The following ROBO2 variants were observed in gnomAD, a reference collection of about 807,000 sequenced individuals.
The protein encoded by ROBO2 is roundabout homolog 2.
ROBO2 carries 53 observed loss-of-function variants against 160.8 expected under a neutral mutation model. That is an observed-to-expected ratio of 0.33 (90% CI 0.26 to 0.41). The LOEUF (loss-of-function observed/expected upper bound fraction) is 0.41, where lower values mean the gene tolerates loss of function less well. Among genes scored for constraint, ROBO2 ranks in the 10% least tolerant of loss-of-function variants. The probability of loss-of-function intolerance (pLI) is 1.00; values close to 1 mark genes in which losing one functional copy is unlikely to be tolerated. For missense variants in ROBO2, 1,577 were observed against 1,722.4 expected (o/e 0.92, Z 1.49); for synonymous variants, 664 against 611.7 (o/e 1.09, Z -1.26).
At chr3:76,150,327 AAC>A (rs71627498) in intron 2 of ROBO2, among the ~76,000 whole-genome samples, 3 of 152,054 alleles carry the variant, frequency 2.0e-5, no homozygotes, top group Admixed American at 6.5e-5. Context: ...ATCTGTCTAA[AAC>A]ACATATCTGT....
In ROBO2 at chr3:76,753,938, T is replaced by A. The variant is rs1398925358; in HGVS notation, c.110-344076T>A. Among the ~76,000 whole-genome samples, 3 of 152,004 alleles carry A rather than the reference T, an allele frequency of 2.0e-5. No individual in the cohort carries two copies. In the East Asian group the frequency reaches 5.8e-4, roughly 30 times the overall value. ...TTGTCCAGTTAGATATTATTTTTAA[T>A]TCCTTGCCTTTATGCTTTGTTTTTA... On this transcript the variant is annotated intron_variant, in intron 2 of 26. Transcript: ENST00000487694.
chr3:77,402,883 T>C (rs192823616), intron 2 of ROBO2, among the ~76,000 whole-genome samples: 41 of 152,232 alleles, frequency 2.7e-4, no homozygotes, highest in Admixed American at 1.5e-3. Context: ...TACTTTACTT[T>C]CTTTCATTCC....
chr3:77,098,004 T>G lies in ROBO2; in HGVS notation c.62-10T>G. The stretch of plus-strand genomic sequence containing the variant: ...GTTAAAGCTTGTCTTTATTCCGTCA[T>G]GTTTTGTAGGATCGCGTCTTCGCCA... On this transcript the variant is annotated splice_polypyrimidine_tract_variant and intron_variant, in intron 1 of 25. Coordinates refer to ENST00000461745, the Ensembl canonical transcript of ROBO2. The G allele has an allele frequency of 6.5e-7, 1 of 1,537,442 alleles. No homozygotes were observed. The highest frequency in any genetic ancestry group is 8.8e-7 in the Non-Finnish European group (1 of 1,140,494).
chr3:76,860,905 G>C (rs143885898), intron 2 of ROBO2, among the ~76,000 whole-genome samples: 2 of 152,010 alleles, frequency 1.3e-5, no homozygotes, highest in African/African-American at 4.8e-5. Flanking sequence ...GTGTGTGTGC[G>C]TGTGTGTGTA....
intron 1 of ROBO2, among the ~76,000 whole-genome samples, chr3:77,045,131 A>T (rs2149648347): frequency 1.3e-5 from 2 of 152,274 alleles, no homozygotes; most frequent in Admixed American, 1.3e-4. Context: ...TTGTAAAAGA[A>T]TTACTATATA....
intron 2 of ROBO2, among the ~76,000 whole-genome samples, chr3:77,289,489 T>C (rs139721316): frequency 0.34 from 48,826 of 143,318 alleles, 8,200 homozygotes; most frequent in South Asian, 0.38. Flanking sequence ...GCACTAAAGA[T>C]ATAAAGTAAA....
intron 2 of ROBO2, among the ~76,000 whole-genome samples, chr3:76,094,273 G>C (rs553776452): frequency 6.6e-6 from 1 of 152,198 alleles, no homozygotes; most frequent in Non-Finnish European, 1.5e-5. Flanking sequence ...CCAGTGACCA[G>C]ATGGATGCGG....
At chr3:75,959,371 G>A (rs1327993125) in intron 2 of ROBO2, among the ~76,000 whole-genome samples, 1 of 151,468 alleles carries the variant, frequency 6.6e-6, no homozygotes, top group Non-Finnish European at 1.5e-5. Flanking sequence ...GATATTATTA[G>A]GCATTACCTG....
intron 2 of ROBO2, among the ~76,000 whole-genome samples, chr3:77,340,888 A>T (rs572981153): frequency 6.6e-6 from 1 of 152,282 alleles, no homozygotes; most frequent in South Asian, 2.1e-4. Flanking sequence ...GCTGAAAAAA[A>T]GTTTAGCTTT....
chr3:77,095,693 A>G (rs952417800), intron 1 of ROBO2, among the ~76,000 whole-genome samples: 3 of 152,162 alleles, frequency 2.0e-5, no homozygotes, highest in Admixed American at 1.3e-4. Context: ...ATGTGTCCAG[A>G]CCTTTACATT....
chr3:77,358,675 G>C (rs758395020), intron 2 of ROBO2, among the ~76,000 whole-genome samples: 2 of 152,150 alleles, frequency 1.3e-5, no homozygotes, highest in Non-Finnish European at 2.9e-5. Flanking sequence ...TTTCTAAATA[G>C]TACATCATTT....
At chr3:76,028,620 G>T (rs993837825) in intron 2 of ROBO2, among the ~76,000 whole-genome samples, 3 of 151,772 alleles carry the variant, frequency 2.0e-5, no homozygotes, top group Non-Finnish European at 4.4e-5. Context: ...ATGCAATATA[G>T]AAAAATTAAG....
chr3:76,296,530 C>CA (rs1304696173), intron 2 of ROBO2, among the ~76,000 whole-genome samples: 1 of 148,904 alleles, frequency 6.7e-6, no homozygotes, highest in Non-Finnish European at 1.5e-5. Flanking sequence ...CCAGACCCAG[C>CA]AAAAAGGATT....
chr3:77,588,727 C>G (rs765084786), intron 16 of ROBO2, 24 bp from the exon 18 acceptor site: 10 of 1,606,712 alleles, frequency 6.2e-6, no homozygotes, highest in Non-Finnish European at 8.5e-6. Context: ...TTAATATATA[C>G]TAATACTATG....
intron 1 of ROBO2, among the ~76,000 whole-genome samples, chr3:77,084,721 CA>C: frequency 6.6e-6 from 1 of 152,104 alleles, no homozygotes; most frequent in East Asian, 1.9e-4. Context: ...AACATTATTC[CA>C]TAACTTTTCT....
At chr3:77,085,644 C>T (rs888833230) in intron 1 of ROBO2, among the ~76,000 whole-genome samples, 17 of 152,048 alleles carry the variant, frequency 1.1e-4, no homozygotes, top group African/African-American at 4.1e-4. Flanking sequence ...CAGGAAAGAT[C>T]TCCAAAAGCC....
chr3:76,980,648 A>G (rs1348586174), intron 2 of ROBO2, among the ~76,000 whole-genome samples: 1 of 152,190 alleles, frequency 6.6e-6, no homozygotes, highest in African/African-American at 2.4e-5. Context: ...AATTAATAAT[A>G]ATCTTGGTAA....
intron 2 of ROBO2, among the ~76,000 whole-genome samples, chr3:76,563,538 T>C (rs777190209): frequency 7.9e-5 from 12 of 152,218 alleles, no homozygotes; most frequent in Non-Finnish European, 1.3e-4. Context: ...AATTTTGATA[T>C]GGGAAAATAA....
chr3:76,993,627 T>C (rs2060817002), intron 2 of ROBO2, among the ~76,000 whole-genome samples: 1 of 152,124 alleles, frequency 6.6e-6, no homozygotes. Context: ...TTAGCGTGTT[T>C]CCATCCTAAC....
Sources: gnomAD v4.1 joint callset for allele counts (sites outside exome capture counted in the v4.1 genomes callset) on GRCh38, gnomAD v4.1.1 for gene constraint, MANE v1.5 for transcripts, NCBI Gene and HGNC (gene_info 2026-07-23, HGNC 2026-07-21) for gene names.